Variants in MSH6 observed in about 807,000 individuals in gnomAD.
MSH6 encodes mutS homolog 6, also known as DNA mismatch repair protein Msh6.
A neutral mutation model predicts 119.1 loss-of-function variants in MSH6; 85 were observed. The ratio of observed to expected loss-of-function variants is 0.71; its 90% confidence interval spans 0.60 to 0.85. MSH6 has a LOEUF of 0.85. Among genes scored for constraint, MSH6 ranks in the 40% least tolerant of loss-of-function variants. The pLI, the probability that MSH6 is intolerant of heterozygous loss-of-function variation, is 0.00. For missense variants in MSH6, 2,163 were observed against 1,655.3 expected (o/e 1.31, Z -5.32); for synonymous variants, 830 against 586.9 (o/e 1.41, Z -5.99).
rs1669075371 is a variant in MSH6 at position 47,796,119 on chromosome 2, G to T, written c.627+56G>T. On this transcript the variant is annotated intron_variant, in intron 3 of 9. Transcript: ENST00000234420. ...TATGTTAGGGTGATGGGGGAAGAAA[G>T]GGGGAGGGTGTATTAACAAGATACC... The T allele has an allele frequency of 8.9e-6, 14 of 1,577,582 alleles. No homozygotes were observed. In the South Asian group the frequency reaches 1.3e-4, roughly 15 times the overall value.
rs1668102609 is a variant in MSH6 at position 47,783,169 on chromosome 2, G to T, written c.-65G>T. The T allele has an allele frequency of 3.1e-6, 5 of 1,594,116 alleles. No homozygotes were observed. Among genetic ancestry groups the T allele is most frequent in the Admixed American group, 1.7e-5 (1 of 58,356 alleles). On this transcript the variant is annotated 5_prime_UTR_variant, in exon 1 of 10. Transcript: ENST00000234420. Reference sequence around the variant, plus strand: ...CAGATTTCCCGCCAGCAGGAGCCGCGCGGTAGATGCGGTGCTTTTAGGAGC... The same window carrying T: ...CAGATTTCCCGCCAGCAGGAGCCGCTCGGTAGATGCGGTGCTTTTAGGAGC...
intron 1 of MSH6, among the ~76,000 whole-genome samples, chr2:47,790,144 A>T (rs765061679): frequency 6.6e-6 from 1 of 152,136 alleles, no homozygotes; most frequent in Non-Finnish European, 1.5e-5. Flanking sequence ...TTATTTGGCC[A>T]GGCGCGGTGG....
chr2:47,788,246 C>CTTTTTTTTTTTTTTTTTTTTTTT lies in MSH6; in HGVS notation c.261-2677_261-2655dup, dbSNP rs560110301. Among the ~76,000 whole-genome samples the CTTTTTTTTTTTTTTTTTTTTTTT allele has an allele frequency of 3.3e-5, 3 of 90,052 alleles. 1 individual carries two copies. Among genetic ancestry groups the CTTTTTTTTTTTTTTTTTTTTTTT allele is most frequent in the Admixed American group, 2.7e-4 (2 of 7,356 alleles). The allele number at this position is 90,052 out of a possible 152,430, so 59.1% of individuals were successfully genotyped here. A position where few individuals can be genotyped will look rare whatever the true frequency, so the allele number is the denominator to read the frequency against. On this transcript the variant is annotated intron_variant, in intron 1 of 9. Coordinates refer to ENST00000234420, the MANE Select transcript of MSH6 (RefSeq NM_000179.3). Reference sequence around the variant, plus strand: ...ATTTCTTTTCTTTCATTCTTTCTTTCTTTTTTTTTTTTTTTTTTTTTTTTT... The same window carrying CTTTTTTTTTTTTTTTTTTTTTTT: ...ATTTCTTTTCTTTCATTCTTTCTTTCTTTTTTTTTTTTTTTTTTTTTTTTTTTTTTTTTTTTTTTTTTTTTTTT...
chr2:47,800,816 A>C lies in MSH6; in HGVS notation c.2833A>C (p.Arg945=), dbSNP rs2104426257. The C allele has an allele frequency of 1.2e-6, 2 of 1,614,162 alleles. No individual in the cohort carries two copies. Among genetic ancestry groups the C allele is most frequent in the Non-Finnish European group, 1.7e-6 (2 of 1,180,012 alleles). The change falls in exon 4 of 10, where the codon AGA becomes CGA. Residue 945 remains arginine (R), a synonymous_variant. Coordinates refer to ENST00000234420, the MANE Select transcript of MSH6 (RefSeq NM_000179.3). ...SDYDQALADI[R]ENEQSLLEYL... ...TTATGACCAAGCTCTTGCTGACATAAGAGAAAATGAACAGAGCCTCCTGGA... is the reference window on the plus strand; with the variant it reads ...TTATGACCAAGCTCTTGCTGACATACGAGAAAATGAACAGAGCCTCCTGGA...
Position 47,798,930 on chromosome 2 carries a change from G to A in MSH6, c.947G>A (p.Arg316Lys), listed in dbSNP as rs562487553. ...GNGSLKRKSSRKETPSATKQA... is the reference protein window; with the variant it reads ...GNGSLKRKSSKKETPSATKQA... ...GGCTCTCTTAAAAGGAAAAGCTCTA[G>A]GAAGGAAACGCCCTCAGCCACCAAA... Residue 316 changes from arginine (R) to lysine (K), a missense_variant, in exon 4 of 10, where the codon AGG becomes AAG. Arg to Lys is a conservative substitution (Grantham distance 26). Transcript: ENST00000234420. 2 of 1,614,122 alleles carry A rather than the reference G, an allele frequency of 1.2e-6. No individual in the cohort carries two copies. Among genetic ancestry groups the A allele is most frequent in the African/African-American group, 1.3e-5 (1 of 75,046 alleles).
intron 2 of MSH6, among the ~76,000 whole-genome samples, chr2:47,792,283 T>G (rs1668782136): frequency 6.6e-6 from 1 of 152,106 alleles, no homozygotes; most frequent in South Asian, 2.1e-4. Context: ...TCGTACTCGG[T>G]GTTGTAAAAT....
chr2:47,809,525 A>C, downstream of MSH6: 1 of 1,069,754 alleles, frequency 9.3e-7, no homozygotes, highest in East Asian at 2.4e-5. Flanking sequence ...ATAAGGAATC[A>C]AGTTATAAAA....
At chr2:47,793,318 CAAAAAAAAAAAAAAAAAAAAA>C (rs34250836) in intron 2 of MSH6, among the ~76,000 whole-genome samples, 1 of 48,786 alleles carries the variant, frequency 2.0e-5, no homozygotes, top group Non-Finnish European at 3.4e-5. Context: ...GAGACTGTCT[CAAAAAAAAAAAAAAAAAAAAA>C]AAAAAAAAGG....
chr2:47,803,512 T>C lies in MSH6; in HGVS notation c.3265T>C (p.Leu1089=), dbSNP rs34490141. Residue 1089 remains leucine, a synonymous_variant, in exon 5 of 10, where the codon TTA becomes CTA. Transcript: ENST00000234420. ...GTTGCCGGAAGATACCCCCCCCTTC[T>C]TAGAGCTTAAAGGATCACGCCATCC... ...ILLPEDTPPF[L]ELKGSRHPCI... is the part of the protein sequence containing the mutation. 286 of 1,614,146 alleles carry C rather than the reference T, an allele frequency of 1.8e-4. 3 individuals carry two copies. In the African/African-American group the frequency reaches 3.3e-3, roughly 19 times the overall value.
intron 1 of MSH6, among the ~76,000 whole-genome samples, chr2:47,788,317 C>T (rs1264002966): frequency 3.8e-5 from 5 of 131,144 alleles, no homozygotes; most frequent in Admixed American, 8.5e-5. Flanking sequence ...TGCAGTGGCA[C>T]GATCTCGGCT....
chr2:47,789,719 C>T (rs1282832826), intron 1 of MSH6, among the ~76,000 whole-genome samples: 4 of 152,174 alleles, frequency 2.6e-5, no homozygotes, highest in Non-Finnish European at 5.9e-5. Context: ...TGCATATAAC[C>T]TATACACATC....
At chr2:47,808,965 AG>A, downstream of MSH6, 1 of 451,150 alleles carries the variant, frequency 2.2e-6, no homozygotes. Flanking sequence ...CCAAAGTGCT[AG>A]GATTACAGGC....
Position 47,793,318 on chromosome 2 carries a change from C to CTCAAA in MSH6, c.457+2195_457+2196insTCAAA, listed in dbSNP as rs1441753856. Among the ~76,000 whole-genome samples the CTCAAA allele has an allele frequency of 4.4e-3, 214 of 48,816 alleles. 11 individuals are homozygous for CTCAAA. Among genetic ancestry groups the CTCAAA allele is most frequent in the Middle Eastern group, 0.022 (1 of 46 alleles). The allele number at this position is 48,816 out of a possible 152,430, so 32.0% of individuals were successfully genotyped here. ...CCTGGGTGACAGAGCGAGACTGTCT[C>CTCAAA]AAAAAAAAAAAAAAAAAAAAAAAAA... On this transcript the variant is annotated intron_variant, in intron 2 of 9. Transcript: ENST00000234420.
downstream of MSH6, chr2:47,809,682 A>T: frequency 6.2e-7 from 1 of 1,613,424 alleles, no homozygotes; most frequent in Non-Finnish European, 8.5e-7. Flanking sequence ...CTAGTGTTGC[A>T]GTTGCGTGAT....
chr2:47,796,141 T>A (rs150101320), intron 3 of MSH6, 78 bp downstream of exon 3: 136 of 1,417,380 alleles, frequency 9.6e-5, no homozygotes, highest in Non-Finnish European at 1.3e-4. Context: ...ATTAACAAGA[T>A]ACCTTGTTTT....
Position 47,805,013 on chromosome 2 carries a change from A to T in MSH6, c.3542A>T (p.Asp1181Val), listed in dbSNP as rs876660216. The T allele has an allele frequency of 6.2e-7, 1 of 1,612,366 alleles. No homozygotes were observed. Among genetic ancestry groups the T allele is most frequent in the Non-Finnish European group, 8.5e-7 (1 of 1,178,410 alleles). Reference sequence around the variant, plus strand: ...GTGTTTACTAGACTTGGTGCCTCAGACAGAATAATGTCAGGTGAGTTTTTT... The same window carrying T: ...GTGTTTACTAGACTTGGTGCCTCAGTCAGAATAATGTCAGGTGAGTTTTTT... ...DRVFTRLGAS[D>V]RIMSGESTFF... The change falls in exon 6 of 10, where the codon GAC (aspartate) becomes GTC (valine). Residue 1181 changes from aspartate (D) to valine (V), a missense_variant. Transcript: ENST00000234420.
intron 1 of MSH6, among the ~76,000 whole-genome samples, chr2:47,787,517 A>C (rs550190410): frequency 1.3e-5 from 2 of 152,260 alleles, no homozygotes; most frequent in South Asian, 4.1e-4. Flanking sequence ...ATTTTTCCCC[A>C]CCGTCTTAAA....
At position 47,798,888 on chromosome 2, in the gene MSH6, G is replaced by A. The variant is rs587781510; in HGVS notation, c.905G>A (p.Arg302Lys). 1.2e-6 allele frequency: 2 copies of A among 1,614,052 alleles called. No homozygotes were observed. The highest frequency in any genetic ancestry group is 1.7e-6 in the Non-Finnish European group (2 of 1,180,032). The change falls in exon 4 of 10, where the codon AGA (arginine) becomes AAA (lysine). Residue 302 changes from arginine (R) to lysine (K), a missense_variant. Arg to Lys is a conservative substitution (Grantham distance 26). Transcript: ENST00000234420. Reference protein sequence around the residue: ...SPVKVARKRKRMVTGNGSLKR... With the variant: ...SPVKVARKRKKMVTGNGSLKR... ...GTCAAAGTTGCTCGAAAGCGGAAGA[G>A]AATGGTGACTGGAAATGGCTCTCTT...
intron 1 of MSH6, among the ~76,000 whole-genome samples, chr2:47,788,574 T>TTC (rs980845341): frequency 2.8e-5 from 4 of 144,564 alleles, no homozygotes; most frequent in African/African-American, 1.0e-4. Flanking sequence ...CTTTTTCTTT[T>TTC]TTTTTTTTTT....
Sources: allele counts gnomAD v4.1 joint callset (sites outside exome capture counted in the v4.1 genomes callset), GRCh38; gene constraint gnomAD v4.1.1; transcripts MANE v1.5; gene names NCBI Gene and HGNC (gene_info 2026-07-23, HGNC 2026-07-21).